Variants in CELF2 observed in about 807,000 individuals in gnomAD.
The protein encoded by CELF2 is CUGBP Elav-like family member 2, also known as CUG triplet repeat RNA-binding protein 2.
In CELF2, 8 loss-of-function variants were observed where a neutral mutation model predicts 62.6. The ratio of observed to expected loss-of-function variants is 0.13; its 90% CI spans 0.07 to 0.23. CELF2 has a LOEUF of 0.23. CELF2 is among the 10% of genes least tolerant of loss of function. The probability of loss-of-function intolerance (pLI) is 1.00; values close to 1 mark genes in which losing one functional copy is unlikely to be tolerated. For synonymous variants in CELF2, 258 were observed against 250.0 expected (o/e 1.03, Z -0.30); for missense variants, 333 against 671.0 (o/e 0.50, Z 5.56).
chr10:10,625,327 A>G, the CELF2 span, among the ~76,000 whole-genome samples: 1 of 152,228 alleles, frequency 6.6e-6, no homozygotes, highest in South Asian at 2.1e-4. Flanking sequence ...ACAGTCACTG[A>G]CCTTGTACTA....
At chr10:10,828,419 G>T (rs1286416244) in intron 1 of CELF2, among the ~76,000 whole-genome samples, 2 of 152,300 alleles carry the variant, frequency 1.3e-5, no homozygotes, top group South Asian at 2.1e-4. Flanking sequence ...CAATAAAAAG[G>T]CAAACACTGT....
the CELF2 span, among the ~76,000 whole-genome samples, chr10:10,489,537 C>G: frequency 1.3e-5 from 2 of 152,202 alleles, no homozygotes; most frequent in South Asian, 2.1e-4. Context: ...TCACATAACT[C>G]AGTGAGTATA....
At chr10:10,856,185 T>C (rs1027526606) in intron 1 of CELF2, among the ~76,000 whole-genome samples, 1 of 152,198 alleles carries the variant, frequency 6.6e-6, no homozygotes, top group African/African-American at 2.4e-5. Context: ...ATATTAACTA[T>C]ATTTTACTTT....
intron 1 of CELF2, among the ~76,000 whole-genome samples, chr10:11,118,617 CA>C (rs1486751849): frequency 6.6e-6 from 1 of 152,170 alleles, no homozygotes. Flanking sequence ...CATAGCTAGT[CA>C]GTAGAAAAGC....
Position 10,931,923 on chromosome 10 carries a change from C to A in CELF2, c.89+11924C>A, listed in dbSNP as rs1321407919. Among the ~76,000 whole-genome samples, 2 of 152,142 alleles carry A rather than the reference C, an allele frequency of 1.3e-5. No individual in the cohort carries two copies. Among genetic ancestry groups the A allele is most frequent in the Non-Finnish European group, 2.9e-5 (2 of 68,038 alleles). Reference sequence around the variant, plus strand: ...TCTTACATGGTGGCTGGCAAGAGAACTTGTGCAGGGGAACTGCCCTTTATA... The same window carrying A: ...TCTTACATGGTGGCTGGCAAGAGAAATTGTGCAGGGGAACTGCCCTTTATA... On this transcript the variant is annotated intron_variant, in intron 2 of 13. Transcript: ENST00000636488. This position sits in a 1 kb window ranked among gnomAD's most constrained non-coding sequence, Gnocchi z 6.1.
chr10:11,170,271 C>T (rs2068440818), intron 2 of CELF2, among the ~76,000 whole-genome samples: 1 of 152,164 alleles, frequency 6.6e-6, no homozygotes, highest in South Asian at 2.1e-4. Flanking sequence ...GGAGTAACAA[C>T]ACAAAGTTTC....
intron 2 of CELF2, among the ~76,000 whole-genome samples, chr10:10,989,604 A>T (rs1399110968): frequency 6.6e-6 from 1 of 152,130 alleles, no homozygotes; most frequent in African/African-American, 2.4e-5. Flanking sequence ...ACAAAGGTAA[A>T]AATCTACTCT....
the CELF2 span, among the ~76,000 whole-genome samples, chr10:10,528,146 A>G: frequency 9.5e-4 from 129 of 135,648 alleles, no homozygotes; most frequent in African/African-American, 3.4e-3. Context: ...ACAGCTGAAG[A>G]TAGATTCCTG....
At chr10:10,584,774 T>A in the CELF2 span, among the ~76,000 whole-genome samples, 1 of 152,174 alleles carries the variant, frequency 6.6e-6, no homozygotes, top group Non-Finnish European at 1.5e-5. Flanking sequence ...TGCTGTCCAA[T>A]GCAGTAGCCA....
intron 2 of CELF2, among the ~76,000 whole-genome samples, chr10:11,212,611 C>T (rs1464178816): frequency 6.6e-6 from 1 of 152,146 alleles, no homozygotes; most frequent in Non-Finnish European, 1.5e-5. Context: ...TGGTTCTGGG[C>T]TCACCTCTCC....
In CELF2 at chr10:11,319,694, C is replaced by T. The variant is rs950862495; in HGVS notation, c.1097-1495C>T. On this transcript the variant is annotated intron_variant, in intron 10 of 12. Coordinates refer to ENST00000633077, the MANE Select transcript of CELF2 (RefSeq NM_001326342.2). The surrounding 1 kb of genome is among the most constrained non-coding windows in gnomAD (Gnocchi z 4.4). ...CTCACGCCATTCACACTCGTCTCGC[C>T]ACCCCTGCTTGGTGTCTGTTCTGAG... The T allele has an allele frequency of 2.2e-6, 1 of 445,918 alleles. No homozygotes were observed. The highest frequency in any genetic ancestry group is 4.7e-6 in the Non-Finnish European group (1 of 213,336). 27.6% of individuals were successfully genotyped at this position (445,918 alleles called of 1,614,324 possible).
chr10:10,867,888 A>T (rs1222374424), intron 1 of CELF2, among the ~76,000 whole-genome samples: 1 of 152,192 alleles, frequency 6.6e-6, no homozygotes, highest in Non-Finnish European at 1.5e-5. Context: ...CTTCGTTTCC[A>T]CATATCTGAT....
upstream of CELF2, among the ~76,000 whole-genome samples, chr10:10,798,168 A>AG (rs2054273936): frequency 6.6e-6 from 1 of 152,186 alleles, no homozygotes; most frequent in East Asian, 1.9e-4. Flanking sequence ...CCTGTTCCAA[A>AG]TTATTTTTAA....
chr10:10,675,690 T>C, the CELF2 span, among the ~76,000 whole-genome samples: 1 of 152,262 alleles, frequency 6.6e-6, no homozygotes, highest in African/African-American at 2.4e-5. Flanking sequence ...TGGAGGTTTT[T>C]ATTAAGATAT....
At chr10:10,623,751 A>C in the CELF2 span, among the ~76,000 whole-genome samples, 29 of 152,344 alleles carry the variant, frequency 1.9e-4, no homozygotes, top group Non-Finnish European at 3.1e-4. Context: ...CTGAGCATTG[A>C]TAAGGTGCCA....
intron 2 of CELF2, among the ~76,000 whole-genome samples, chr10:10,999,068 A>G (rs1413750446): frequency 6.6e-6 from 1 of 152,232 alleles, no homozygotes; most frequent in Non-Finnish European, 1.5e-5. Flanking sequence ...ATCTCAAGGA[A>G]TGTATCAAAT....
rs2062057309 is a variant in CELF2 at position 11,145,286 on chromosome 10, G to A, written c.75-20200G>A. The stretch of plus-strand genomic sequence containing the variant: ...TAAGTGAGTCTCAGGCATCTGTGTG[G>A]CACAGATACTTTTATGTGTTGTTGA... On this transcript the variant is annotated intron_variant, in intron 1 of 12. Transcript: ENST00000633077. This position sits in a 1 kb window ranked among gnomAD's most constrained non-coding sequence, Gnocchi z 4.3. 1.3e-5 allele frequency among the ~76,000 whole-genome samples: 2 copies of A among 152,222 alleles called. No homozygotes were observed. Among genetic ancestry groups the A allele is most frequent in the East Asian group, 1.9e-4 (1 of 5,206 alleles).
At chr10:11,018,361 G>A (rs1350930811) in intron 1 of CELF2, among the ~76,000 whole-genome samples, 198 bp downstream of exon 1, 1 of 151,744 alleles carries the variant, frequency 6.6e-6, no homozygotes, top group African/African-American at 2.4e-5. Context: ...CGGCGGTGCA[G>A]GGCGCGGGGC....
At position 11,267,840 on chromosome 10, in the gene CELF2, A is replaced by G. The variant is rs2082597563; in HGVS notation, c.618+1163A>G. Among the ~76,000 whole-genome samples the G allele has an allele frequency of 1.3e-5, 2 of 152,120 alleles. No individual in the cohort carries two copies. The highest frequency in any genetic ancestry group is 2.4e-5 in the African/African-American group (1 of 41,416). On this transcript the variant is annotated intron_variant, in intron 6 of 12. Transcript: ENST00000633077. This position sits in a 1 kb window ranked among gnomAD's most constrained non-coding sequence, Gnocchi z 4.4. ...AGGAGTGTGCATGGCATTGTCATTC[A>G]GTGTTTACTGTACTTTTCTGACTTG...
Sources: allele counts gnomAD v4.1 joint callset (sites outside exome capture counted in the v4.1 genomes callset), GRCh38; gene constraint gnomAD v4.1.1; non-coding constraint Gnocchi (gnomAD v3.1); transcripts MANE v1.5; gene names NCBI Gene and HGNC (gene_info 2026-07-23, HGNC 2026-07-21).